Variants in KLF12 observed in about 807,000 individuals in gnomAD.
The protein encoded by KLF12 is KLF transcription factor 12, also known as Krueppel-like factor 12.
Under a neutral mutation model 37.8 loss-of-function variants are expected in KLF12, and 9 were observed. That is an observed-to-expected ratio of 0.24 (90% CI 0.14 to 0.42). KLF12 has a LOEUF of 0.42. Ranked by LOEUF, KLF12 falls within the 10% of genes least tolerant of loss-of-function variation. KLF12 has a pLI of 1.00. For synonymous variants in KLF12, 208 were observed against 202.1 expected, an observed-to-expected ratio of 1.03 and a Z score of -0.25; for missense variants, 411 against 516.0, an observed-to-expected ratio of 0.80 and a Z score of 1.97.
chr13:73,806,371 G>A (rs1882628620), intron 5 of KLF12, among the ~76,000 whole-genome samples: 1 of 152,054 alleles, frequency 6.6e-6, no homozygotes, highest in African/African-American at 2.4e-5. Flanking sequence ...AAAGTGCTGG[G>A]AATACAGGCG....
chr13:73,860,485 A>T (rs1276529579), intron 3 of KLF12, among the ~76,000 whole-genome samples: 1 of 152,202 alleles, frequency 6.6e-6, no homozygotes, highest in Non-Finnish European at 1.5e-5. Context: ...TTGTAATCAC[A>T]GCACTTTAGG....
intron 3 of KLF12, among the ~76,000 whole-genome samples, chr13:73,928,278 G>A (rs1889500143): frequency 1.3e-5 from 2 of 152,186 alleles, no homozygotes; most frequent in East Asian, 3.9e-4. Flanking sequence ...TTTAGCTAAA[G>A]GTTAAGTGTT....
intron 3 of KLF12, among the ~76,000 whole-genome samples, chr13:73,885,384 C>G (rs951601412): frequency 6.6e-6 from 1 of 152,194 alleles, no homozygotes; most frequent in African/African-American, 2.4e-5. Flanking sequence ...TCCAAATACA[C>G]CCCATATTGG....
intron 6 of KLF12, among the ~76,000 whole-genome samples, chr13:73,744,994 A>C (rs1366685818): frequency 2.0e-5 from 3 of 152,088 alleles, no homozygotes; most frequent in African/African-American, 7.2e-5. Flanking sequence ...AGCCAGCTGC[A>C]CTCTTTAGAC....
the KLF12 span, among the ~76,000 whole-genome samples, chr13:74,269,580 G>T: frequency 9.9e-4 from 151 of 152,284 alleles, no homozygotes; most frequent in South Asian, 3.5e-3. Context: ...TATACACGAT[G>T]ATATCATTAT....
chr13:73,780,471 G>GTTTTTTTTTTTTTTTTTTTTTT (rs58306980), intron 5 of KLF12, among the ~76,000 whole-genome samples: 1 of 145,372 alleles, frequency 6.9e-6, no homozygotes. Context: ...CCAAGGAATG[G>GTTTTTTTTTTTTTTTTTTTTTT]TTTTTTTTTT....
At chr13:73,875,706 T>C (rs1478121548) in intron 3 of KLF12, among the ~76,000 whole-genome samples, 4 of 152,170 alleles carry the variant, frequency 2.6e-5, no homozygotes, top group African/African-American at 7.2e-5. Context: ...TCTACCTCTG[T>C]AGTAGATGAC....
intron 2 of KLF12, among the ~76,000 whole-genome samples, chr13:73,966,134 A>G (rs9600196): frequency 0.049 from 7,451 of 152,334 alleles, 391 homozygotes; most frequent in African/African-American, 0.13. Flanking sequence ...TAGTGGTTAA[A>G]TAAGTTATCA....
At chr13:74,161,309 C>T in the KLF12 span, among the ~76,000 whole-genome samples, 3 of 151,984 alleles carry the variant, frequency 2.0e-5, no homozygotes, top group Non-Finnish European at 4.4e-5. Context: ...AGGGTCTTTG[C>T]AGATGTAATT....
chr13:73,742,176 G>A (rs1878047603), intron 6 of KLF12, among the ~76,000 whole-genome samples: 2 of 152,102 alleles, frequency 1.3e-5, no homozygotes, highest in South Asian at 4.1e-4. Flanking sequence ...AAAGCAAAGG[G>A]CAGCGCTTAT....
intron 2 of KLF12, among the ~76,000 whole-genome samples, chr13:73,951,719 C>T (rs573694469): frequency 6.6e-6 from 1 of 152,282 alleles, no homozygotes; most frequent in African/African-American, 2.4e-5. Flanking sequence ...TAACCACTTC[C>T]CCAACCCCAT....
At chr13:74,154,569 G>C in the KLF12 span, among the ~76,000 whole-genome samples, 1 of 152,178 alleles carries the variant, frequency 6.6e-6, no homozygotes, top group East Asian at 1.9e-4. Flanking sequence ...AGTTTAGCCT[G>C]TCCTAGAGAA....
intron 1 of KLF12, among the ~76,000 whole-genome samples, chr13:74,065,482 A>G (rs1284072666): frequency 6.6e-6 from 1 of 152,118 alleles, no homozygotes; most frequent in African/African-American, 2.4e-5. Context: ...ATTGAAAGAA[A>G]TAAGACCTAT....
chr13:74,244,329 C>A, the KLF12 span, among the ~76,000 whole-genome samples: 1 of 152,128 alleles, frequency 6.6e-6, no homozygotes, highest in East Asian at 1.9e-4. Flanking sequence ...TCAGGGGCTC[C>A]CCATAGTCTA....
intron 3 of KLF12, among the ~76,000 whole-genome samples, chr13:73,893,215 CTAAA>C (rs948632533): frequency 1.4e-4 from 22 of 152,040 alleles, no homozygotes; most frequent in Admixed American, 1.2e-3. Flanking sequence ...TTTCTAATGA[CTAAA>C]TAAACACAAT....
At chr13:74,092,730 T>C (rs73214829) in intron 1 of KLF12, among the ~76,000 whole-genome samples, 1 of 151,876 alleles carries the variant, frequency 6.6e-6, no homozygotes, top group Middle Eastern at 3.2e-3. Flanking sequence ...ATTCAGAATA[T>C]GAAAAGAACT....
the KLF12 span, among the ~76,000 whole-genome samples, chr13:74,283,593 C>A: frequency 6.6e-6 from 1 of 152,126 alleles, no homozygotes; most frequent in African/African-American, 2.4e-5. Flanking sequence ...GCAGACCAAG[C>A]ATTAGATTGG....
At chr13:73,727,979 G>A (rs1876788271) in intron 6 of KLF12, among the ~76,000 whole-genome samples, 1 of 152,210 alleles carries the variant, frequency 6.6e-6, no homozygotes, top group Non-Finnish European at 1.5e-5. Flanking sequence ...TTACAGGCGT[G>A]TGCCGCCGTG....
rs9573346 is a variant in KLF12, at chr13:74,070,509, T to A, written c.-32+63230A>T. Reference sequence around the variant, plus strand: ...TGGGGTTTTGTTTGTTTGTTTGTTTTTTCAAGATACAACTTTAGAGACTGG... The same window carrying A: ...TGGGGTTTTGTTTGTTTGTTTGTTTATTCAAGATACAACTTTAGAGACTGG... On this transcript the variant is annotated intron_variant, in intron 1 of 7. Transcript: ENST00000377669. Among the ~76,000 whole-genome samples the A allele has an allele frequency of 5.3e-3, 803 of 151,944 alleles. 33 individuals carry two copies. The East Asian group carries it at 0.09, about 17-fold the overall frequency.
Sources: gnomAD v4.1 joint callset for allele counts (sites outside exome capture counted in the v4.1 genomes callset) on GRCh38, gnomAD v4.1.1 for gene constraint, MANE v1.5 for transcripts, NCBI Gene and HGNC (gene_info 2026-07-23, HGNC 2026-07-21) for gene names.